DIP2C: variants seen among roughly 807,000 people sequenced by gnomAD.
DIP2C encodes disco-interacting protein 2 homolog C.
DIP2C carries 33 observed loss-of-function variants against 192.4 expected under a neutral mutation model. That is an observed-to-expected ratio of 0.17 (90% CI 0.13 to 0.23). The LOEUF is 0.23. Among genes scored for constraint, DIP2C ranks in the 10% least tolerant of loss-of-function variants. The pLI is 1.00. For synonymous variants in DIP2C, 979 were observed against 864.1 expected, an observed-to-expected ratio of 1.13 and a Z score of -2.33; for missense variants, 1,537 against 2,110.1, an observed-to-expected ratio of 0.73 and a Z score of 5.32.
chr10:369,608 G>A lies in DIP2C; in HGVS notation c.2017C>T (p.Pro673Ser). ...RRPTDDSNQP[P>S]GRGVLSMHGL... Reference sequence around the variant, plus strand: ...TGCATGGAGAGGACACCCCGGCCCGGGGGCTGGTTACTGTCATCCGTGGGC... The same window carrying A: ...TGCATGGAGAGGACACCCCGGCCCGAGGGCTGGTTACTGTCATCCGTGGGC... Residue 673 changes from proline to serine, a missense_variant, in exon 18 of 37, where the codon CCG becomes TCG. Transcript: ENST00000280886. 1.9e-6 allele frequency: 3 copies of A among 1,614,002 alleles called. No individual in the cohort carries two copies. Among genetic ancestry groups the A allele is most frequent in the South Asian group, 2.2e-5 (2 of 91,034 alleles).
chr10:556,228 GCACC>G (rs553016101), intron 1 of DIP2C, among the ~76,000 whole-genome samples: 21 of 38,806 alleles, frequency 5.4e-4, no homozygotes, highest in African/African-American at 1.7e-3. Flanking sequence ...TCCCAGGACG[GCACC>G]CACCCACCCC....
chr10:562,825 A>C (rs892015101), intron 1 of DIP2C, among the ~76,000 whole-genome samples: 1 of 152,230 alleles, frequency 6.6e-6, no homozygotes, highest in Admixed American at 6.5e-5. Flanking sequence ...AGAAATCCAT[A>C]ACATCAAACA....
intron 1 of DIP2C, chr10:664,899 G>A (rs1856992860): frequency 6.6e-6 from 1 of 152,002 alleles, no homozygotes; most frequent in South Asian, 2.1e-4. Flanking sequence ...GACTCCTGAA[G>A]GAATATATAG....
chr10:351,438 C>T (rs1029248807), intron 24 of DIP2C, among the ~76,000 whole-genome samples: 1 of 152,186 alleles, frequency 6.6e-6, no homozygotes, highest in Non-Finnish European at 1.5e-5. Flanking sequence ...GGGCCAGGAC[C>T]AGGGCTGCGG....
chr10:477,620 G>C (rs1013951485), intron 2 of DIP2C, among the ~76,000 whole-genome samples: 13 of 89,756 alleles, frequency 1.4e-4, no homozygotes, highest in African/African-American at 4.3e-4. Flanking sequence ...TGGGTGGGAG[G>C]AAGGTGGATG....
intron 1 of DIP2C, among the ~76,000 whole-genome samples, chr10:592,423 T>C (rs1226689424): frequency 2.6e-5 from 4 of 152,210 alleles, no homozygotes; most frequent in Non-Finnish European, 4.4e-5. Flanking sequence ...CAAATGTCCA[T>C]CGATACGAAA....
At chr10:521,426 T>C (rs750166901) in intron 1 of DIP2C, among the ~76,000 whole-genome samples, 1 of 152,196 alleles carries the variant, frequency 6.6e-6, no homozygotes, top group Non-Finnish European at 1.5e-5. Flanking sequence ...CCTGGCCACA[T>C]GCTCATCCCT....
intron 1 of DIP2C, among the ~76,000 whole-genome samples, chr10:507,454 G>A (rs1349583531): frequency 1.3e-5 from 2 of 151,226 alleles, no homozygotes; most frequent in African/African-American, 4.9e-5. Flanking sequence ...TATGCACAGA[G>A]GCGTGAGGTT....
chr10:449,892 C>A (rs1968704363), intron 3 of DIP2C, among the ~76,000 whole-genome samples: 1 of 141,912 alleles, frequency 7.0e-6, no homozygotes, highest in African/African-American at 2.7e-5. Flanking sequence ...AGTCATGTGC[C>A]AAATAAAGAT....
intron 17 of DIP2C, among the ~76,000 whole-genome samples, chr10:377,879 T>A (rs568492196): frequency 6.6e-6 from 1 of 152,252 alleles, no homozygotes; most frequent in Non-Finnish European, 1.5e-5. Flanking sequence ...TTTTGCATTT[T>A]CATTACTAAA....
chr10:357,089 C>T (rs925968732), intron 23 of DIP2C, among the ~76,000 whole-genome samples: 2 of 152,186 alleles, frequency 1.3e-5, no homozygotes, highest in Non-Finnish European at 2.9e-5. Flanking sequence ...GAAAAACCCA[C>T]AGATAAGGTT....
At chr10:379,433 A>C (rs1233423262) in intron 17 of DIP2C, among the ~76,000 whole-genome samples, 4 of 152,096 alleles carry the variant, frequency 2.6e-5, no homozygotes, top group Admixed American at 2.0e-4. Flanking sequence ...TGATATGAAG[A>C]TACTCCACAG....
chr10:315,308 A>T (rs1185529264), intron 31 of DIP2C, among the ~76,000 whole-genome samples: 1 of 151,718 alleles, frequency 6.6e-6, no homozygotes, highest in Non-Finnish European at 1.5e-5. Flanking sequence ...TCTTGTATTT[A>T]CTCTTTTCAG....
chr10:346,312 C>T (rs1209919977), intron 26 of DIP2C, among the ~76,000 whole-genome samples: 9 of 88,624 alleles, frequency 1.0e-4, no homozygotes, highest in Non-Finnish European at 2.0e-4. Flanking sequence ...ACGTCACACA[C>T]ACCCAGACAC....
intron 1 of DIP2C, among the ~76,000 whole-genome samples, chr10:672,793 T>TA (rs1830713229): frequency 6.6e-6 from 1 of 152,120 alleles, no homozygotes; most frequent in African/African-American, 2.4e-5. Flanking sequence ...ACCAGAAACA[T>TA]AAAGATTTCT....
intron 1 of DIP2C, among the ~76,000 whole-genome samples, chr10:635,575 G>A (rs907418937): frequency 7.2e-5 from 11 of 152,350 alleles, no homozygotes; most frequent in East Asian, 3.9e-4. Context: ...AGAAGCGGCC[G>A]CGCAGTGTGG....
At chr10:453,266 A>T (rs1164293034) in intron 3 of DIP2C, among the ~76,000 whole-genome samples, 1 of 152,206 alleles carries the variant, frequency 6.6e-6, no homozygotes, top group Non-Finnish European at 1.5e-5. Flanking sequence ...ACCCGGCCAC[A>T]TGAATGAGAC....
chr10:556,221 C>G lies in DIP2C; in HGVS notation c.86-69691G>C, dbSNP rs28690090. ...ACCCACCCCTCCCACAGCCGGATCCCAGGACGGCACCCACCCACCCCTCCC... is the reference window on the plus strand; with the variant it reads ...ACCCACCCCTCCCACAGCCGGATCCGAGGACGGCACCCACCCACCCCTCCC... On this transcript the variant is annotated intron_variant, in intron 1 of 36. Transcript: ENST00000280886. Among the ~76,000 whole-genome samples the G allele has an allele frequency of 6.5e-4, 41 of 63,220 alleles. 1 individual carries two copies. The highest frequency in any genetic ancestry group is 1.4e-3 in the African/African-American group (16 of 11,192). 41.5% of individuals were successfully genotyped at this position (63,220 alleles called of 152,430 possible).
At chr10:574,759 T>C (rs1850047858) in intron 1 of DIP2C, among the ~76,000 whole-genome samples, 1 of 152,212 alleles carries the variant, frequency 6.6e-6, no homozygotes, top group African/African-American at 2.4e-5. Flanking sequence ...AAACACTCAA[T>C]GCTGCCACTA....
Sources: gnomAD v4.1 joint callset for allele counts (sites outside exome capture counted in the v4.1 genomes callset) on GRCh38, gnomAD v4.1.1 for gene constraint, MANE v1.5 for transcripts, NCBI Gene and HGNC (gene_info 2026-07-23, HGNC 2026-07-21) for gene names.